The following OCRL variants were observed in gnomAD, a reference collection of about 807,000 sequenced individuals.
OCRL encodes the protein inositol polyphosphate 5-phosphatase OCRL.
A neutral mutation model predicts 78.9 loss-of-function variants in OCRL; 8 were observed. The observed-to-expected ratio is 0.10, with a 90% CI of 0.06 to 0.18. The LOEUF (loss-of-function observed/expected upper bound fraction) is 0.18, where lower values mean the gene tolerates loss of function less well. Ranked by LOEUF, OCRL falls within the 10% of genes least tolerant of loss-of-function variation. OCRL has a pLI of 1.00. For missense variants in OCRL, 454 were observed against 696.7 expected (o/e 0.65, Z 3.92); for synonymous variants, 240 against 235.4 (o/e 1.02, Z -0.18).
rs139128871 is a variant in OCRL at position 129,590,171 on chromosome X, G to A, written c.2607G>A (p.Leu869=). 7.4e-6 allele frequency: 9 copies of A among 1,209,352 alleles called. No homozygotes were observed. In the African/African-American group the frequency reaches 1.4e-4, roughly 19 times the overall value. Residue 869 remains leucine, a synonymous_variant, in exon 24 of 24, where the codon CTG becomes CTA. Coordinates refer to ENST00000371113, the MANE Select transcript of OCRL (RefSeq NM_000276.4). ...CTACTCTCTTCACTAGTCTTCTCCT[G>A]AGGCCTCCACCCAACCTTATGGCAA... ...MIATLFTSLL[L]RPPPNLMARQ...
intron 10 of OCRL, among the ~76,000 whole-genome samples, chrX:129,561,581 A>C (rs1230360208): frequency 8.9e-6 from 1 of 112,334 alleles, no homozygotes; most frequent in Non-Finnish European, 1.9e-5. Context: ...GATTTAGATT[A>C]CTCACTGACA....
At position 129,589,942 on chromosome X, in the gene OCRL, A is replaced by G; in HGVS notation, c.2567A>G (p.Asn856Ser). Residue 856 changes from asparagine to serine, a missense_variant, in exon 23 of 24, where the codon AAT (asparagine) becomes AGT (serine). Asn to Ser is a conservative substitution (Grantham distance 46). Transcript: ENST00000371113. Reference sequence around the variant, plus strand: ...AAATTCTCTGAATACAATAGCGTCAATGCCAACATGATCGGTAAGAGTGCT... The same window carrying G: ...AAATTCTCTGAATACAATAGCGTCAGTGCCAACATGATCGGTAAGAGTGCT... The part of the protein sequence containing the change: ...LLKFSEYNSV[N>S]ANMIATLFTS... The G allele has an allele frequency of 8.3e-7, 1 of 1,199,557 alleles. No homozygotes were observed. Among genetic ancestry groups the G allele is most frequent in the South Asian group, 1.8e-5 (1 of 56,679 alleles).
At chrX:129,545,106 C>A (rs1444932247) in intron 3 of OCRL, 69 bp downstream of exon 3, 9 of 588,344 alleles carry the variant, frequency 1.5e-5, no homozygotes, top group Admixed American at 4.8e-5. Context: ...TATGTAATAC[C>A]ATACATATTT....
intron 14 of OCRL, among the ~76,000 whole-genome samples, chrX:129,568,406 A>G (rs745979567): frequency 9.0e-6 from 1 of 111,294 alleles, no homozygotes; most frequent in Non-Finnish European, 1.9e-5. Context: ...ATCCCCACGC[A>G]TGTTCAGCTG....
intron 15 of OCRL, among the ~76,000 whole-genome samples, 169 bp downstream of exon 15, chrX:129,569,568 C>T (rs192818233): frequency 8.9e-6 from 1 of 111,740 alleles, no homozygotes; most frequent in African/African-American, 3.3e-5. Flanking sequence ...AAATGCTGTC[C>T]GTATAGCTCT....
chrX:129,567,313 G>A lies in OCRL; in HGVS notation c.1416G>A (p.Lys472=), dbSNP rs367841616. The part of the protein sequence containing the change: ...AFVDFNEGEI[K]FIPTYKYDSK... ...TTGACTTCAATGAAGGGGAAATCAA[G>A]TTCATCCCCACTTATAAGTATGACT... The change falls in exon 14 of 24, where the codon AAG becomes AAA. Residue 472 remains lysine (K), a synonymous_variant. Coordinates refer to ENST00000371113, the MANE Select transcript of OCRL (RefSeq NM_000276.4). The A allele has an allele frequency of 5.3e-5, 64 of 1,207,083 alleles. No individual in the cohort carries two copies. Among genetic ancestry groups the A allele is most frequent in the Non-Finnish European group, 7.2e-5 (64 of 892,400 alleles).
chrX:129,589,337 G>A, intron 22 of OCRL: 1 of 308,347 alleles, frequency 3.2e-6, no homozygotes, highest in Non-Finnish European at 5.8e-6. Context: ...GGTGACACTT[G>A]GGAGCCTTTC....
At chrX:129,571,625 C>T (rs187166363) in intron 15 of OCRL, among the ~76,000 whole-genome samples, 308 of 110,664 alleles carry the variant, frequency 2.8e-3, no homozygotes, top group African/African-American at 9.6e-3. Flanking sequence ...AGCCACCGCT[C>T]GCAGCCAACC....
chrX:129,544,755 G>T (rs1271551553), intron 2 of OCRL, among the ~76,000 whole-genome samples: 1 of 111,767 alleles, frequency 8.9e-6, no homozygotes, highest in Admixed American at 9.5e-5. Flanking sequence ...CTAGAGAACA[G>T]TGTGGGTAAT....
At chrX:129,558,280 A>G (rs932858022) in intron 6 of OCRL, among the ~76,000 whole-genome samples, 1 of 111,965 alleles carries the variant, frequency 8.9e-6, no homozygotes, top group African/African-American at 3.2e-5. Flanking sequence ...CCTTTCTGTA[A>G]TATGGGAAGA....
At chrX:129,581,703 A>T (rs1936441211) in intron 18 of OCRL, among the ~76,000 whole-genome samples, 1 of 93,548 alleles carries the variant, frequency 1.1e-5, no homozygotes, top group Non-Finnish European at 2.0e-5. Context: ...CTTAGAAATT[A>T]TATATATATA....
At chrX:129,548,104 G>A (rs774674320) in intron 3 of OCRL, among the ~76,000 whole-genome samples, 2 of 111,772 alleles carry the variant, frequency 1.8e-5, no homozygotes, top group East Asian at 2.8e-4. Flanking sequence ...GAGATCACTG[G>A]GAAATTTTCA....
intron 18 of OCRL, among the ~76,000 whole-genome samples, chrX:129,577,474 G>T (rs746095540): frequency 2.7e-5 from 3 of 111,800 alleles, no homozygotes; most frequent in South Asian, 3.7e-4. Context: ...TATATTCTTG[G>T]TTTTTTTACC....
At chrX:129,579,684 GT>G (rs1936417424) in intron 18 of OCRL, among the ~76,000 whole-genome samples, 1 of 111,876 alleles carries the variant, frequency 8.9e-6, no homozygotes, top group Non-Finnish European at 1.9e-5. Context: ...CATCTTTATT[GT>G]TTTTCAGAAT....
chrX:129,580,555 T>C (rs1936425919), intron 18 of OCRL, among the ~76,000 whole-genome samples: 1 of 112,323 alleles, frequency 8.9e-6, no homozygotes, highest in Non-Finnish European at 1.9e-5. Context: ...AATGGACTAA[T>C]TGAAAGGAGA....
In OCRL at chrX:129,576,421, G is replaced by A; in HGVS notation, c.1984G>A (p.Asp662Asn). Residue 662 changes from aspartate to asparagine, a missense_variant, in exon 18 of 24, where the codon GAT becomes AAT. Asp to Asn is a conservative substitution (Grantham distance 23). Coordinates refer to ENST00000371113, the MANE Select transcript of OCRL (RefSeq NM_000276.4). Reference protein sequence around the residue: ...KIEDILVLHLDRGKDYFLTIS... With the variant: ...KIEDILVLHLNRGKDYFLTIS... ...TGAAGATATTCTCGTCCTTCACCTGGATCGAGGCAAAGATTACTTCTTGAC... is the reference window on the plus strand; with the variant it reads ...TGAAGATATTCTCGTCCTTCACCTGAATCGAGGCAAAGATTACTTCTTGAC... 1 of 1,210,084 alleles carries A rather than the reference G, an allele frequency of 8.3e-7. No individual in the cohort carries two copies. Among genetic ancestry groups the A allele is most frequent in the Non-Finnish European group, 1.1e-6 (1 of 894,208 alleles).
At chrX:129,548,850 C>T (rs1363355887) in intron 4 of OCRL, among the ~76,000 whole-genome samples, 2 of 111,984 alleles carry the variant, frequency 1.8e-5, no homozygotes, top group African/African-American at 6.5e-5. Context: ...GCTGAACTTC[C>T]GTGAGCTACC....
Position 129,576,516 on chromosome X carries a change from A to G in OCRL, c.2079A>G (p.Pro693=), listed in dbSNP as rs1936370929. 8.3e-7 allele frequency: 1 copy of G among 1,210,483 alleles called. No individual in the cohort carries two copies. Among genetic ancestry groups the G allele is most frequent in the African/African-American group, 1.7e-5 (1 of 57,894 alleles). Residue 693 remains proline (P), a synonymous_variant, in exon 18 of 24, where the codon CCA becomes CCG. Transcript: ENST00000371113. ...SLEALCRMKR[P]IREVPVTKLI... ...AGGCTCTGTGCCGTATGAAAAGACC[A>G]ATCCGAGAAGTTCCTGTTACCAAAC... is the stretch of plus-strand genomic sequence containing the variant.
intron 19 of OCRL, 25 bp from the exon 20 acceptor site, chrX:129,586,977 A>T (rs758965643): frequency 9.8e-7 from 1 of 1,016,773 alleles, no homozygotes; most frequent in South Asian, 1.9e-5. Flanking sequence ...GACCCCTTTG[A>T]TTCTCATACT....
Sources: gnomAD v4.1 joint callset for allele counts (sites outside exome capture counted in the v4.1 genomes callset) on GRCh38, gnomAD v4.1.1 for gene constraint, MANE v1.5 for transcripts, NCBI Gene and HGNC (gene_info 2026-07-23, HGNC 2026-07-21) for gene names.